UBTD1: variants seen among roughly 807,000 people sequenced by gnomAD.
The protein encoded by UBTD1 is ubiquitin domain-containing protein 1.
In UBTD1, 19 loss-of-function variants were observed where a neutral mutation model predicts 21.7. That is an observed-to-expected ratio of 0.87 (90% CI 0.61 to 1.28). UBTD1 has a LOEUF of 1.28. Among genes scored for constraint, UBTD1 ranks in the 50% most tolerant of loss-of-function variants. The pLI, the probability that UBTD1 is intolerant of heterozygous loss-of-function variation, is 0.00. For synonymous variants in UBTD1, 116 were observed against 135.1 expected (o/e 0.86, Z 0.98); for missense variants, 282 against 315.1 (o/e 0.89, Z 0.80).
intron 1 of UBTD1, among the ~76,000 whole-genome samples, chr10:97,516,342 C>G (rs2040444061): frequency 6.6e-6 from 1 of 152,226 alleles, no homozygotes. Flanking sequence ...TCTCCTCTTA[C>G]ATGTCGGCGT....
At chr10:97,504,913 T>C (rs2040392076) in intron 1 of UBTD1, among the ~76,000 whole-genome samples, 2 of 152,112 alleles carry the variant, frequency 1.3e-5, no homozygotes, top group African/African-American at 4.8e-5. Context: ...CTCCTGTGGT[T>C]TGGGTGCCTC....
intron 1 of UBTD1, among the ~76,000 whole-genome samples, chr10:97,517,190 C>T (rs1200132537): frequency 1.3e-5 from 2 of 152,076 alleles, no homozygotes; most frequent in Non-Finnish European, 2.9e-5. Context: ...CGAACTTTGG[C>T]GACAGTCTGG....
intron 1 of UBTD1, among the ~76,000 whole-genome samples, chr10:97,541,464 C>T (rs938283468): frequency 1.3e-5 from 2 of 152,024 alleles, no homozygotes; most frequent in African/African-American, 4.8e-5. Context: ...GATGACAGAG[C>T]AAGACCCTGT....
intron 1 of UBTD1, among the ~76,000 whole-genome samples, chr10:97,524,284 T>TG (rs144604925): frequency 0.058 from 8,160 of 140,888 alleles, 610 homozygotes; most frequent in African/African-American, 0.17. Flanking sequence ...TTTGTAGGGA[T>TG]GCGGGGGGGT....
At chr10:97,502,560 C>G (rs1052979240) in intron 1 of UBTD1, among the ~76,000 whole-genome samples, 1 of 152,134 alleles carries the variant, frequency 6.6e-6, no homozygotes, top group South Asian at 2.1e-4. Flanking sequence ...CTGGGTCACA[C>G]TTTCAATATT....
At chr10:97,503,202 C>T (rs1429310026) in intron 1 of UBTD1, among the ~76,000 whole-genome samples, 2 of 152,200 alleles carry the variant, frequency 1.3e-5, no homozygotes, top group African/African-American at 2.4e-5. Flanking sequence ...TGGCGTGAGC[C>T]GCCACACCCA....
At chr10:97,568,292 G>A (rs2040728127) in intron 2 of UBTD1, 151 bp downstream of exon 2, 1 of 761,738 alleles carries the variant, frequency 1.3e-6, no homozygotes, top group Admixed American at 2.7e-5. Context: ...GACCAGGAGT[G>A]GGTACACAAA....
intron 1 of UBTD1, among the ~76,000 whole-genome samples, chr10:97,518,105 G>A (rs895046837): frequency 1.3e-5 from 2 of 152,194 alleles, no homozygotes; most frequent in Non-Finnish European, 2.9e-5. Context: ...GGAGAGTGGG[G>A]AATGCTGAAA....
chr10:97,541,219 G>A (rs1321769075), intron 1 of UBTD1, among the ~76,000 whole-genome samples: 1 of 152,206 alleles, frequency 6.6e-6, no homozygotes, highest in African/African-American at 2.4e-5. Flanking sequence ...GCTCATGCCT[G>A]TAATCCTAGC....
At chr10:97,515,950 C>T (rs1000926198) in intron 1 of UBTD1, among the ~76,000 whole-genome samples, 1 of 152,196 alleles carries the variant, frequency 6.6e-6, no homozygotes, top group Non-Finnish European at 1.5e-5. Flanking sequence ...GGGTGCTCCT[C>T]GAGGCTTTGA....
At chr10:97,500,465 A>C (rs543754082) in intron 1 of UBTD1, among the ~76,000 whole-genome samples, 1 of 152,318 alleles carries the variant, frequency 6.6e-6, no homozygotes, top group African/African-American at 2.4e-5. Flanking sequence ...AAACTTATTG[A>C]AATTCTCTTG....
intron 1 of UBTD1, among the ~76,000 whole-genome samples, chr10:97,553,455 T>C (rs949969862): frequency 1.3e-5 from 2 of 152,194 alleles, no homozygotes; most frequent in Admixed American, 1.3e-4. Flanking sequence ...TAAATGAAAT[T>C]AATATGTTCA....
chr10:97,522,868 A>T (rs1043173081), intron 1 of UBTD1, among the ~76,000 whole-genome samples: 1 of 152,180 alleles, frequency 6.6e-6, no homozygotes, highest in South Asian at 2.1e-4. Context: ...GAGGAGGGCC[A>T]TAGCTGCAGG....
At chr10:97,526,227 A>C (rs1243064656) in intron 1 of UBTD1, among the ~76,000 whole-genome samples, 1 of 152,200 alleles carries the variant, frequency 6.6e-6, no homozygotes, top group African/African-American at 2.4e-5. Flanking sequence ...GGAAGTGAAA[A>C]TTGATAGTCT....
chr10:97,517,454 C>T (rs893610779), intron 1 of UBTD1, among the ~76,000 whole-genome samples: 1 of 152,146 alleles, frequency 6.6e-6, no homozygotes, highest in Non-Finnish European at 1.5e-5. Context: ...GTGGCCAAGT[C>T]GCCTCAGCTC....
At chr10:97,538,760 CTGTGTGTATATG>C (rs60896520) in intron 1 of UBTD1, among the ~76,000 whole-genome samples, 3,910 of 152,246 alleles carry the variant, frequency 0.026, 122 homozygotes, top group East Asian at 0.078. Flanking sequence ...GGTAACCCTT[CTGTGTGTATATG>C]TGTGTGTGAG....
intron 1 of UBTD1, among the ~76,000 whole-genome samples, chr10:97,524,954 A>G (rs1438184962): frequency 6.6e-6 from 1 of 152,170 alleles, no homozygotes; most frequent in Non-Finnish European, 1.5e-5. Context: ...AGGCTGAGAA[A>G]TGTCTGCCTG....
chr10:97,516,827 A>G lies in UBTD1; in HGVS notation c.70+17554A>G, dbSNP rs866570987. Among the ~76,000 whole-genome samples, 3 of 151,272 alleles carry G rather than the reference A, an allele frequency of 2.0e-5. No individual in the cohort carries two copies. The Middle Eastern group carries it at 0.01, about 525-fold the overall frequency. On this transcript the variant is annotated intron_variant, in intron 1 of 2. Transcript: ENST00000370664. ...CTCCTACAGTCAGGGGATGCTGTGG[A>G]CACTGGAGAGCAACGCCTTGACAGC...
intron 1 of UBTD1, among the ~76,000 whole-genome samples, chr10:97,566,413 TTTAAA>T (rs771546033): frequency 6.6e-6 from 1 of 152,172 alleles, no homozygotes; most frequent in Non-Finnish European, 1.5e-5. Flanking sequence ...CCAGGAACAC[TTTAAA>T]TTAAATATTT....
Sources: allele counts gnomAD v4.1 joint callset (sites outside exome capture counted in the v4.1 genomes callset), GRCh38; gene constraint gnomAD v4.1.1; transcripts MANE v1.5; gene names NCBI Gene and HGNC (gene_info 2026-07-23, HGNC 2026-07-21).